TPTE2: variants seen among roughly 807,000 people sequenced by gnomAD.
TPTE2 encodes phosphatidylinositol 3,4,5-trisphosphate 3-phosphatase TPTE2.
Under a neutral mutation model 78.6 loss-of-function variants are expected in TPTE2, and 53 were observed. The ratio of observed to expected loss-of-function variants is 0.67; its 90% CI spans 0.54 to 0.85. TPTE2 has a LOEUF of 0.85. Ranked by LOEUF, TPTE2 falls within the 40% of genes least tolerant of loss-of-function variation. TPTE2 has a pLI of 0.00. For synonymous variants in TPTE2, 175 were observed against 206.2 expected, an observed-to-expected ratio of 0.85 and a Z score of 1.30; for missense variants, 461 against 623.0, an observed-to-expected ratio of 0.74 and a Z score of 2.77.
At chr13:19,539,403 A>C (rs1871374819), upstream of TPTE2, among the ~76,000 whole-genome samples, 1 of 152,154 alleles carries the variant, frequency 6.6e-6, no homozygotes, top group Non-Finnish European at 1.5e-5. Context: ...GGTTTTATAA[A>C]GGGCAGTTCC....
At chr13:19,544,060 C>CAAAAAAAAAAAAAAAAAAAAAAAA in the TPTE2 span, among the ~76,000 whole-genome samples, 1 of 31,984 alleles carries the variant, frequency 3.1e-5, no homozygotes, top group African/African-American at 1.3e-4. Context: ...GAACCTGTCT[C>CAAAAAAAAAAAAAAAAAAAAAAAA]AAAAAAAAAA....
chr13:19,452,986 A>ATTTTATTTATTTTAT (rs1555249725), intron 10 of TPTE2, among the ~76,000 whole-genome samples: 1 of 19,926 alleles, frequency 5.0e-5, no homozygotes, highest in Admixed American at 1.1e-3. Context: ...ATTTTATTTT[A>ATTTTATTTATTTTAT]TTTATTTTAT....
chr13:19,493,907 C>T lies in TPTE2; in HGVS notation c.12-406G>A, dbSNP rs550885700. The stretch of plus-strand genomic sequence containing the variant: ...CAGCATGGTGGTTTCTCATGCCCCA[C>T]AAAAAGGGTCAGGTAACTAGAGGTC... On this transcript the variant is annotated intron_variant, in intron 1 of 19. Transcript: ENST00000400230. 2.6e-5 allele frequency among the ~76,000 whole-genome samples: 4 copies of T among 152,232 alleles called. No homozygotes were observed. The East Asian group carries it at 5.8e-4, about 22-fold the overall frequency.
At chr13:19,423,078 A>C (rs766412426) in exon 20 of TPTE2, 1 of 1,612,644 alleles carries the variant, frequency 6.2e-7, no homozygotes, top group East Asian at 2.2e-5. Context: ...CTCGCCAAAA[A>C]GTATCTCCAC....
At chr13:19,475,506 G>A (rs778977140) in intron 5 of TPTE2, 67 bp downstream of exon 8, 29 of 1,567,658 alleles carry the variant, frequency 1.8e-5, no homozygotes, top group African/African-American at 6.8e-5. Flanking sequence ...GATTACAGGC[G>A]TGAGCCACTG....
At chr13:19,462,992 T>A (rs1301987155) in intron 10 of TPTE2, among the ~76,000 whole-genome samples, 2 of 141,028 alleles carry the variant, frequency 1.4e-5, no homozygotes, top group African/African-American at 5.4e-5. Flanking sequence ...TTGATTGTAT[T>A]TTTTTTTTTC....
intron 10 of TPTE2, among the ~76,000 whole-genome samples, chr13:19,457,213 C>T (rs943917392): frequency 2.0e-5 from 3 of 152,086 alleles, no homozygotes; most frequent in Non-Finnish European, 4.4e-5. Context: ...TGGTTACATG[C>T]ATATATACTC....
intron 3 of TPTE2, among the ~76,000 whole-genome samples, chr13:19,484,088 G>T (rs1431471510): frequency 6.6e-6 from 1 of 152,128 alleles, no homozygotes; most frequent in Non-Finnish European, 1.5e-5. Context: ...CCTTTGTAGG[G>T]ACATGGATGA....
At chr13:19,559,788 AG>A in the TPTE2 span, among the ~76,000 whole-genome samples, 2,205 of 113,104 alleles carry the variant, frequency 0.019, 48 homozygotes, top group Non-Finnish European at 0.029. Context: ...ATGGCTTGCA[AG>A]GGGCAGCACT....
intron 10 of TPTE2, among the ~76,000 whole-genome samples, chr13:19,459,261 G>A (rs1878735195): frequency 6.6e-6 from 1 of 152,032 alleles, no homozygotes; most frequent in Admixed American, 6.6e-5. Context: ...ACTTTTTAAT[G>A]GGGCTGTTTT....
At chr13:19,506,028 T>C (rs1868992811), upstream of TPTE2, 1 of 151,806 alleles carries the variant, frequency 6.6e-6, no homozygotes, top group African/African-American at 2.4e-5. Flanking sequence ...TCCAAGGATA[T>C]GCCTGACAGT....
At chr13:19,542,206 G>A in the TPTE2 span, among the ~76,000 whole-genome samples, 1 of 151,974 alleles carries the variant, frequency 6.6e-6, no homozygotes, top group East Asian at 1.9e-4. Context: ...TCAGGATGGA[G>A]TACAGTGGCA....
chr13:19,520,961 G>A (rs957270163), intron 1 of TPTE2, among the ~76,000 whole-genome samples: 2 of 151,894 alleles, frequency 1.3e-5, no homozygotes, highest in Admixed American at 6.6e-5. Flanking sequence ...AACATGCTTT[G>A]TATGATTTAA....
chr13:19,524,321 C>A (rs570895896), intron 1 of TPTE2, among the ~76,000 whole-genome samples: 1 of 152,318 alleles, frequency 6.6e-6, no homozygotes, highest in African/African-American at 2.4e-5. Flanking sequence ...TTCTAACCAG[C>A]TTTACTCTTA....
At chr13:19,437,330 G>C (rs1231357075) in intron 14 of TPTE2, among the ~76,000 whole-genome samples, 3 of 152,144 alleles carry the variant, frequency 2.0e-5, no homozygotes, top group Non-Finnish European at 4.4e-5. Context: ...AACTCGAGCA[G>C]AGCTGCTGGA....
intron 3 of TPTE2, among the ~76,000 whole-genome samples, chr13:19,491,826 AAATAAT>A (rs1240867029): frequency 2.0e-5 from 3 of 152,110 alleles, no homozygotes; most frequent in African/African-American, 7.2e-5. Context: ...TCATCTCAAA[AAATAAT>A]AATAATAATA....
chr13:19,512,049 T>C (rs1869488213), intron 1 of TPTE2, among the ~76,000 whole-genome samples: 1 of 152,188 alleles, frequency 6.6e-6, no homozygotes, highest in African/African-American at 2.4e-5. Context: ...TATTTACTTG[T>C]TAGTGAATAA....
chr13:19,541,638 T>C (rs1871438851), upstream of TPTE2, among the ~76,000 whole-genome samples: 1 of 152,222 alleles, frequency 6.6e-6, no homozygotes, highest in Non-Finnish European at 1.5e-5. Context: ...TTTTCTAAGA[T>C]TTATTTTTTA....
At chr13:19,529,012 G>A (rs187480607) in intron 1 of TPTE2, among the ~76,000 whole-genome samples, 31 of 152,250 alleles carry the variant, frequency 2.0e-4, no homozygotes, top group African/African-American at 5.5e-4. Flanking sequence ...CCAGCTACTC[G>A]GGAAGCTGAG....
Sources: gnomAD v4.1 joint callset for allele counts (sites outside exome capture counted in the v4.1 genomes callset) on GRCh38, gnomAD v4.1.1 for gene constraint, MANE v1.5 for transcripts, NCBI Gene and HGNC (gene_info 2026-07-23, HGNC 2026-07-21) for gene names.